GSTCD: variants seen among roughly 807,000 people sequenced by gnomAD.
The protein encoded by GSTCD is glutathione S-transferase C-terminal domain containing.
Under a neutral mutation model 68.3 loss-of-function variants are expected in GSTCD, and 44 were observed. The ratio of observed to expected loss-of-function variants is 0.64; its 90% confidence interval spans 0.51 to 0.83. The LOEUF (loss-of-function observed/expected upper bound fraction) is 0.83, where lower values mean the gene tolerates loss of function less well. Ranked by LOEUF, GSTCD falls within the 40% of genes least tolerant of loss-of-function variation. The pLI is 0.00. For missense variants in GSTCD, 739 were observed against 735.9 expected (o/e 1.00, Z -0.05); for synonymous variants, 273 against 255.2 (o/e 1.07, Z -0.67).
intron 5 of GSTCD, among the ~76,000 whole-genome samples, chr4:105,792,516 G>A (rs2553470): frequency 0.88 from 133,112 of 151,940 alleles, 58,661 homozygotes; most frequent in East Asian, 0.96. Flanking sequence ...GAAATCAGTC[G>A]TAGTCAATAC....
chr4:105,763,137 C>T (rs1363420858), intron 5 of GSTCD, among the ~76,000 whole-genome samples: 2 of 152,052 alleles, frequency 1.3e-5, no homozygotes, highest in Non-Finnish European at 2.9e-5. Flanking sequence ...ATAAGTAGAT[C>T]AGAATTTAAG....
intron 4 of GSTCD, among the ~76,000 whole-genome samples, chr4:105,727,088 C>CTTT (rs5860809): frequency 1.3e-3 from 175 of 138,072 alleles, no homozygotes; most frequent in African/African-American, 1.8e-3. Context: ...TTTCTCAAAA[C>CTTT]TTTTTTTTTT....
intron 5 of GSTCD, among the ~76,000 whole-genome samples, chr4:105,772,255 T>C (rs1734878826): frequency 6.6e-6 from 1 of 152,218 alleles, no homozygotes; most frequent in South Asian, 2.1e-4. Context: ...TTAAGGAGTT[T>C]TGGGGCTAAG....
intron 5 of GSTCD, among the ~76,000 whole-genome samples, chr4:105,804,181 ATTG>A: frequency 6.6e-6 from 1 of 152,162 alleles, no homozygotes; most frequent in East Asian, 1.9e-4. Flanking sequence ...GTGATTCATT[ATTG>A]TTATTATTAC....
At chr4:105,813,513 C>A (rs1218174103) in intron 5 of GSTCD, among the ~76,000 whole-genome samples, 1 of 152,182 alleles carries the variant, frequency 6.6e-6, no homozygotes, top group Non-Finnish European at 1.5e-5. Context: ...TGTGTTTACA[C>A]TTGAGACCCA....
At chr4:105,765,800 G>A (rs1734582142) in intron 5 of GSTCD, among the ~76,000 whole-genome samples, 1 of 152,056 alleles carries the variant, frequency 6.6e-6, no homozygotes, top group Non-Finnish European at 1.5e-5. Context: ...GAGATCTGAT[G>A]GTTTTATAAG....
At chr4:105,791,286 G>C (rs957574370) in intron 5 of GSTCD, among the ~76,000 whole-genome samples, 2 of 151,406 alleles carry the variant, frequency 1.3e-5, no homozygotes. Context: ...CCAGCTACTC[G>C]GGAGGCTGAG....
chr4:105,755,004 G>C (rs1239125716), intron 5 of GSTCD, among the ~76,000 whole-genome samples: 2 of 125,222 alleles, frequency 1.6e-5, no homozygotes, highest in East Asian at 5.2e-4. Flanking sequence ...AGGATCACTT[G>C]TGTCCAGGAG....
At chr4:105,810,016 A>G (rs1383492476) in intron 5 of GSTCD, among the ~76,000 whole-genome samples, 2 of 152,060 alleles carry the variant, frequency 1.3e-5, no homozygotes, top group African/African-American at 4.8e-5. Context: ...AAATAATAGC[A>G]CAAAGTCTTT....
chr4:105,839,028 C>T (rs777889042), intron 10 of GSTCD, among the ~76,000 whole-genome samples: 23 of 152,128 alleles, frequency 1.5e-4, no homozygotes, highest in Non-Finnish European at 2.4e-4. Flanking sequence ...TTCATTCCTG[C>T]TTTATAACTC....
In GSTCD at chr4:105,825,714, A is replaced by G; in HGVS notation, c.1444A>G (p.Lys482Glu). 1.3e-6 allele frequency: 2 copies of G among 1,523,778 alleles called. No homozygotes were observed. The highest frequency in any genetic ancestry group is 1.4e-5 in the African/African-American group (1 of 73,200). The allele number at this position is 1,523,778 out of a possible 1,614,324, so 94.4% of individuals were successfully genotyped here. The change falls in exon 8 of 12, where the codon AAG becomes GAG. Residue 482 changes from lysine to glutamate, a missense_variant. By Grantham distance (56) the Lys-to-Glu change is moderately conservative. Coordinates refer to ENST00000515279, the MANE Select transcript of GSTCD (RefSeq NM_001370181.1). ...CAAGGAATTATCATTAATTCGTGCT[A>G]AGAAGAGAAGTGATGAACTGGGTTT... Reference protein sequence around the residue: ...ENKELSLIRAKKRSDELGLSN... With the variant: ...ENKELSLIRAEKRSDELGLSN...
chr4:105,803,162 A>G (rs1044377186), intron 5 of GSTCD, among the ~76,000 whole-genome samples: 1 of 152,122 alleles, frequency 6.6e-6, no homozygotes, highest in Non-Finnish European at 1.5e-5. Flanking sequence ...TTCCTTTCAC[A>G]ATATTTTTCA....
At chr4:105,831,255 C>T (rs1723882434) in intron 8 of GSTCD, among the ~76,000 whole-genome samples, 1 of 152,162 alleles carries the variant, frequency 6.6e-6, no homozygotes, top group Non-Finnish European at 1.5e-5. Context: ...CGAAAAGCAA[C>T]ACCGGAGAGA....
chr4:105,721,993 A>G (rs964265782), intron 3 of GSTCD, among the ~76,000 whole-genome samples: 1 of 152,170 alleles, frequency 6.6e-6, no homozygotes, highest in Non-Finnish European at 1.5e-5. Flanking sequence ...AAGATTGTAT[A>G]TTATTTTTCA....
intron 8 of GSTCD, among the ~76,000 whole-genome samples, chr4:105,830,482 G>A (rs1340142991): frequency 6.6e-6 from 1 of 152,000 alleles, no homozygotes; most frequent in East Asian, 1.9e-4. Context: ...TTTTCAGCAA[G>A]CTACTAGATA....
chr4:105,770,891 A>T (rs980624649), intron 5 of GSTCD, among the ~76,000 whole-genome samples: 2 of 152,164 alleles, frequency 1.3e-5, no homozygotes, highest in African/African-American at 4.8e-5. Flanking sequence ...ATACCCAATA[A>T]TGGGATTGCT....
chr4:105,831,613 T>C (rs565729263), intron 8 of GSTCD, among the ~76,000 whole-genome samples: 4 of 152,244 alleles, frequency 2.6e-5, no homozygotes, highest in Non-Finnish European at 5.9e-5. Context: ...TCACATCTCT[T>C]GCTCATTTTA....
At chr4:105,725,722 TA>T (rs1402243066) in intron 3 of GSTCD, among the ~76,000 whole-genome samples, 1 of 152,072 alleles carries the variant, frequency 6.6e-6, no homozygotes, top group Non-Finnish European at 1.5e-5. Flanking sequence ...AAATGAATCA[TA>T]AAAACGTATA....
At chr4:105,839,988 G>T (rs1724274265) in intron 10 of GSTCD, among the ~76,000 whole-genome samples, 1 of 152,106 alleles carries the variant, frequency 6.6e-6, no homozygotes. Context: ...CCTTTTGAAG[G>T]CCTCAGAACT....
Sources: gnomAD v4.1 joint callset for allele counts (sites outside exome capture counted in the v4.1 genomes callset) on GRCh38, gnomAD v4.1.1 for gene constraint, MANE v1.5 for transcripts, NCBI Gene and HGNC (gene_info 2026-07-23, HGNC 2026-07-21) for gene names.